The following HMGB1 variants were observed in gnomAD, a reference collection of about 807,000 sequenced individuals.
HMGB1 encodes the protein high mobility group protein B1.
For synonymous variants in HMGB1, 81 were observed against 84.0 expected, an observed-to-expected ratio of 0.96 and a Z score of 0.19; for missense variants, 79 against 253.5, an observed-to-expected ratio of 0.31 and a Z score of 4.67.
At chr13:30,537,474 T>G (rs1235975752) in intron 1 of HMGB1, among the ~76,000 whole-genome samples, 2 of 151,914 alleles carry the variant, frequency 1.3e-5, no homozygotes, top group African/African-American at 2.4e-5. Context: ...GCTATTGTAA[T>G]TTCCAGTACC....
At chr13:30,556,467 C>G (rs187087392) in intron 1 of HMGB1, among the ~76,000 whole-genome samples, 6 of 152,296 alleles carry the variant, frequency 3.9e-5, no homozygotes, top group Non-Finnish European at 8.8e-5. Flanking sequence ...CCCATGTCTA[C>G]TGCAGCACTA....
At chr13:30,508,418 A>C (rs1229126748) in intron 1 of HMGB1, among the ~76,000 whole-genome samples, 2 of 152,134 alleles carry the variant, frequency 1.3e-5, no homozygotes, top group African/African-American at 4.8e-5. Flanking sequence ...AGGCTGAGGC[A>C]GGAGAATTGC....
At position 30,459,115 on chromosome 13, in the gene HMGB1, C is replaced by T. The variant is rs1886140802; in HGVS notation, c.*2242G>A. 1 of 152,162 alleles carries T rather than the reference C, an allele frequency of 6.6e-6. No homozygotes were observed. Among genetic ancestry groups the T allele is most frequent in the Non-Finnish European group, 1.5e-5 (1 of 68,030 alleles). 9.4% of individuals were successfully genotyped at this position (152,162 alleles called of 1,614,324 possible). ...CCCCACAGCACTGTAACTATCTTGG[C>T]ATTAAAATAGTTTCTATACACTTTC... is the stretch of plus-strand genomic sequence containing the variant. On this transcript the variant is annotated 3_prime_UTR_variant, in exon 5 of 5. Coordinates refer to ENST00000341423, the MANE Select transcript of HMGB1 (RefSeq NM_002128.7).
Position 30,515,686 on chromosome 13 carries a change from TAAAA to T in HMGB1, c.-14-51996_-14-51993del, listed in dbSNP as rs537265855. On this transcript the variant is annotated intron_variant, in intron 1 of 4. Transcript: ENST00000405805. Reference sequence around the variant, plus strand: ...GCTCATTTTATATTTATTGAATTGCTAAAAAAAAAAAAAAAAGCCCACATTATTC... The same window carrying T: ...GCTCATTTTATATTTATTGAATTGCTAAAAAAAAAAAAGCCCACATTATTC... Among the ~76,000 whole-genome samples the T allele has an allele frequency of 4.0e-3, 460 of 114,312 alleles. 1 individual carries two copies. The highest frequency in any genetic ancestry group is 0.014 in the African/African-American group (448 of 32,414). The allele number at this position is 114,312 out of a possible 152,430, so 75.0% of individuals were successfully genotyped here.
intron 1 of HMGB1, among the ~76,000 whole-genome samples, chr13:30,570,995 A>G (rs941048107): frequency 6.6e-6 from 1 of 152,254 alleles, no homozygotes; most frequent in Non-Finnish European, 1.5e-5. Context: ...ATAGTATCAT[A>G]GGCCTTTTAA....
chr13:30,505,470 G>T (rs563824094), intron 1 of HMGB1, among the ~76,000 whole-genome samples: 1 of 151,872 alleles, frequency 6.6e-6, no homozygotes, highest in South Asian at 2.1e-4. Context: ...AAGCCACCGC[G>T]CCCAACCATT....
At chr13:30,605,133 G>A (rs1950444775) in intron 1 of HMGB1, among the ~76,000 whole-genome samples, 1 of 151,878 alleles carries the variant, frequency 6.6e-6, no homozygotes, top group African/African-American at 2.4e-5. Flanking sequence ...TGCTTGCTTT[G>A]TTTGGGGCTG....
chr13:30,510,532 C>G (rs1487986635), intron 1 of HMGB1, among the ~76,000 whole-genome samples: 1 of 149,398 alleles, frequency 6.7e-6, no homozygotes. Flanking sequence ...TCCTTTCAAG[C>G]TATGATTTTT....
chr13:30,549,169 C>T (rs1233882358), intron 1 of HMGB1, among the ~76,000 whole-genome samples: 3 of 152,054 alleles, frequency 2.0e-5, no homozygotes, highest in Admixed American at 2.0e-4. Flanking sequence ...TGCTGGTATA[C>T]ACCTGTGGTC....
chr13:30,545,333 A>G (rs944591609), intron 1 of HMGB1, among the ~76,000 whole-genome samples: 3 of 151,900 alleles, frequency 2.0e-5, no homozygotes, highest in Non-Finnish European at 4.4e-5. Context: ...GTGATGAATT[A>G]GAGTGCCGGC....
At chr13:30,502,305 A>C (rs1887751419) in intron 1 of HMGB1, among the ~76,000 whole-genome samples, 1 of 152,202 alleles carries the variant, frequency 6.6e-6, no homozygotes, top group South Asian at 2.1e-4. Context: ...GCAGTGAATA[A>C]AACAGACCAA....
chr13:30,483,203 A>G (rs1887275506), intron 1 of HMGB1, among the ~76,000 whole-genome samples: 1 of 152,158 alleles, frequency 6.6e-6, no homozygotes, highest in African/African-American at 2.4e-5. Flanking sequence ...TGAGCAAAGC[A>G]AACACAAGAC....
intron 1 of HMGB1, among the ~76,000 whole-genome samples, chr13:30,498,449 A>G (rs1342683967): frequency 1.3e-5 from 2 of 151,822 alleles, no homozygotes; most frequent in African/African-American, 2.4e-5. Flanking sequence ...GGGGCTGGAG[A>G]GGGATAAGAG....
In HMGB1 at chr13:30,465,931, A is replaced by G. The variant is rs998405221; in HGVS notation, c.-150T>C. Reference sequence around the variant, plus strand: ...AGCCTCCTCACTCTCTCCGCTCTGTAACATTACTCTCCAGCCAGCGCGGCT... The same window carrying G: ...AGCCTCCTCACTCTCTCCGCTCTGTGACATTACTCTCCAGCCAGCGCGGCT... On this transcript the variant is annotated 5_prime_UTR_variant, in exon 1 of 5. Transcript: ENST00000341423. 2 of 985,938 alleles carry G rather than the reference A, an allele frequency of 2.0e-6. No individual in the cohort carries two copies. Among genetic ancestry groups the G allele is most frequent in the Non-Finnish European group, 2.4e-6 (2 of 830,138 alleles). 61.1% of individuals were successfully genotyped at this position (985,938 alleles called of 1,614,324 possible). A position where few individuals can be genotyped will look rare whatever the true frequency, so the allele number is the denominator to read the frequency against.
intron 1 of HMGB1, among the ~76,000 whole-genome samples, chr13:30,597,891 T>G (rs9508805): frequency 6.6e-6 from 1 of 151,974 alleles, no homozygotes; most frequent in South Asian, 2.1e-4. Context: ...GGGCTCCTTT[T>G]TCTTTCAGCA....
At chr13:30,514,367 T>TG (rs1888057737) in intron 1 of HMGB1, among the ~76,000 whole-genome samples, 1 of 150,642 alleles carries the variant, frequency 6.6e-6, no homozygotes, top group African/African-American at 2.4e-5. Flanking sequence ...TTTTTTTTTT[T>TG]TTTAAGAGAT....
intron 1 of HMGB1, among the ~76,000 whole-genome samples, chr13:30,569,794 T>G (rs1483994360): frequency 6.6e-6 from 1 of 152,102 alleles, no homozygotes; most frequent in Non-Finnish European, 1.5e-5. Flanking sequence ...GTGGGAAGAT[T>G]AGATAAAAAA....
intron 1 of HMGB1, among the ~76,000 whole-genome samples, chr13:30,613,801 G>A (rs561089554): frequency 2.6e-5 from 4 of 152,098 alleles, no homozygotes; most frequent in East Asian, 1.9e-4. Flanking sequence ...GGACCCAGCC[G>A]TACCATTGGC....
chr13:30,470,821 G>A (rs924156902), upstream of HMGB1, among the ~76,000 whole-genome samples: 1 of 151,798 alleles, frequency 6.6e-6, no homozygotes, highest in South Asian at 2.1e-4. Flanking sequence ...ACTAATTTTT[G>A]TATTTTTAGT....
Sources: allele counts gnomAD v4.1 joint callset (sites outside exome capture counted in the v4.1 genomes callset), GRCh38; gene constraint gnomAD v4.1.1; transcripts MANE v1.5; gene names NCBI Gene and HGNC (gene_info 2026-07-23, HGNC 2026-07-21).